The following SPATA18 variants were observed in gnomAD, a reference collection of about 807,000 sequenced individuals.
SPATA18 encodes the protein mitochondria-eating protein.
In SPATA18, 54 loss-of-function variants were observed where a neutral mutation model predicts 68.1. That is an observed-to-expected ratio of 0.79 (90% CI 0.64 to 0.99). SPATA18 has a LOEUF of 0.99. Among genes scored for constraint, SPATA18 ranks in the 50% least tolerant of loss-of-function variants. SPATA18 has a pLI of 0.00. For synonymous variants in SPATA18, 242 were observed against 244.8 expected, an observed-to-expected ratio of 0.99 and a Z score of 0.11; for missense variants, 724 against 681.1, an observed-to-expected ratio of 1.06 and a Z score of -0.70.
intron 4 of SPATA18, among the ~76,000 whole-genome samples, chr4:52,064,589 G>C (rs2109431701): frequency 6.6e-6 from 1 of 152,220 alleles, no homozygotes; most frequent in South Asian, 2.1e-4. Flanking sequence ...CATCCAAGTT[G>C]CTGCAAAGGC....
At chr4:52,086,486 A>T (rs935957896) in intron 11 of SPATA18, among the ~76,000 whole-genome samples, 4 of 152,010 alleles carry the variant, frequency 2.6e-5, no homozygotes, top group East Asian at 1.9e-4. Flanking sequence ...TCACTGTTCA[A>T]CTCCCACTTA....
chr4:52,082,395 G>C lies in SPATA18; in HGVS notation c.1364G>C (p.Arg455Pro), dbSNP rs147355917. ...TTGTATATTGAAAACAGATACCGCC[G>C]CAGCTACGACTCGGATTTCACTGCT... ...GEVFNDCKYRRSYDSDFTAPL... is the reference protein window; with the variant it reads ...GEVFNDCKYRPSYDSDFTAPL... Residue 455 changes from arginine to proline, a missense_variant, in exon 10 of 13, where the codon CGC (arginine) becomes CCC (proline). Physicochemically the swap from Arg to Pro is moderately radical, Grantham distance 103. Transcript: ENST00000295213. 4 of 1,613,578 alleles carry C rather than the reference G, an allele frequency of 2.5e-6. No homozygotes were observed. The Middle Eastern group carries it at 4.9e-4, about 199-fold the overall frequency.
chr4:52,072,854 T>G (rs1282270144), intron 6 of SPATA18, among the ~76,000 whole-genome samples: 1 of 152,234 alleles, frequency 6.6e-6, no homozygotes, highest in East Asian at 1.9e-4. Flanking sequence ...TCCATTTCAC[T>G]GCAGGGTATT....
intron 4 of SPATA18, 99 bp downstream of exon 4, chr4:52,062,431 G>T: frequency 1.3e-6 from 1 of 786,030 alleles, no homozygotes; most frequent in South Asian, 1.7e-5. Context: ...TAAAATGTGG[G>T]CATTTGCAAA....
At chr4:52,069,187 A>G (rs1054094671) in intron 4 of SPATA18, among the ~76,000 whole-genome samples, 2 of 152,186 alleles carry the variant, frequency 1.3e-5, no homozygotes, top group Non-Finnish European at 2.9e-5. Flanking sequence ...TTTTTAAACT[A>G]GATAGACCTA....
At chr4:52,066,385 C>T (rs1323813491) in intron 4 of SPATA18, among the ~76,000 whole-genome samples, 2 of 152,156 alleles carry the variant, frequency 1.3e-5, no homozygotes, top group African/African-American at 4.8e-5. Flanking sequence ...CTCCTGACCT[C>T]ATGATCCGCC....
chr4:52,092,846 G>C (rs1384891333), intron 11 of SPATA18, among the ~76,000 whole-genome samples: 2 of 152,132 alleles, frequency 1.3e-5, no homozygotes, highest in Non-Finnish European at 2.9e-5. Context: ...TCCTTTGCAG[G>C]AACATGGATG....
chr4:52,096,748 T>C lies in SPATA18; in HGVS notation c.*1861T>C, dbSNP rs1742455106. 1 of 107,192 alleles carries C rather than the reference T, an allele frequency of 9.3e-6. No homozygotes were observed. Among genetic ancestry groups the C allele is most frequent in the Non-Finnish European group, 2.3e-5 (1 of 42,692 alleles). The allele number at this position is 107,192 out of a possible 1,614,324, so 6.6% of individuals were successfully genotyped here. A position where few individuals can be genotyped will look rare whatever the true frequency, so the allele number is the denominator to read the frequency against. On this transcript the variant is annotated 3_prime_UTR_variant, in exon 13 of 13. Transcript: ENST00000295213. ...TTTCTGAAGTGGTGGGCAATTCTTG[T>C]TAATGTTTTAAACAAAAAAAAAAAA... is the stretch of plus-strand genomic sequence containing the variant.
At chr4:52,091,838 G>C (rs949524511) in intron 11 of SPATA18, among the ~76,000 whole-genome samples, 1 of 152,142 alleles carries the variant, frequency 6.6e-6, no homozygotes, top group Non-Finnish European at 1.5e-5. Flanking sequence ...GAGCCATCAG[G>C]CTGGGACGTT....
At chr4:52,056,519 A>G (rs1423323611) in intron 1 of SPATA18, among the ~76,000 whole-genome samples, 1 of 151,870 alleles carries the variant, frequency 6.6e-6, no homozygotes, top group African/African-American at 2.4e-5. Flanking sequence ...ATTAGGTACC[A>G]CTACTGGACA....
chr4:52,080,599 AG>A (rs1383753067), intron 9 of SPATA18, among the ~76,000 whole-genome samples: 1 of 152,208 alleles, frequency 6.6e-6, no homozygotes, highest in Non-Finnish European at 1.5e-5. Flanking sequence ...AACACAAGCT[AG>A]TGGTTAAGAA....
chr4:52,092,463 A>T (rs970926424), intron 11 of SPATA18, among the ~76,000 whole-genome samples: 9 of 152,158 alleles, frequency 5.9e-5, no homozygotes, highest in African/African-American at 2.2e-4. Flanking sequence ...GTAGGGGGGA[A>T]CATTCTCTGG....
At position 52,076,867 on chromosome 4, in the gene SPATA18, G is replaced by C. The variant is rs751899665; in HGVS notation, c.847G>C (p.Val283Leu). 1.2e-6 allele frequency: 2 copies of C among 1,614,216 alleles called. No individual in the cohort carries two copies. Among genetic ancestry groups the C allele is most frequent in the South Asian group, 2.2e-5 (2 of 91,084 alleles). Residue 283 changes from valine to leucine, a missense_variant, in exon 7 of 13, where the codon GTC becomes CTC. Val to Leu is a conservative substitution (Grantham distance 32, BLOSUM62 1). Transcript: ENST00000295213. The stretch of plus-strand genomic sequence containing the variant: ...TGCCAGCCCCTCCACCGCTGTCAAG[G>C]TCAGGAGACCGTCCCCAAACCGCTC... ...RSASPSTAVK[V>L]RRPSPNRSKL... is the part of the protein sequence containing the mutation.
At position 52,079,891 on chromosome 4, in the gene SPATA18, G is replaced by T. The variant is rs1380813607; in HGVS notation, c.1327G>T (p.Ala443Ser). The T allele has an allele frequency of 6.2e-7, 1 of 1,613,366 alleles. No homozygotes were observed. Among genetic ancestry groups the T allele is most frequent in the South Asian group, 1.1e-5 (1 of 90,852 alleles). Residue 443 changes from alanine (A) to serine (S), a missense_variant, in exon 9 of 13, where the codon GCA (alanine) becomes TCA (serine). Coordinates refer to ENST00000295213, the MANE Select transcript of SPATA18 (RefSeq NM_145263.4). ...ACCACCCCTAGATATTGCATATGGA[G>T]CAGATGGAGAAGTTTTTAATGATTG... ...LEPPLDIAYG[A>S]DGEVFNDCKY...
intron 4 of SPATA18, among the ~76,000 whole-genome samples, chr4:52,063,205 T>C (rs1167707681): frequency 6.6e-6 from 1 of 152,244 alleles, no homozygotes; most frequent in Non-Finnish European, 1.5e-5. Context: ...TGTGTGGTGC[T>C]CTGCCTTGTT....
chr4:52,066,441 C>T (rs184586992), intron 4 of SPATA18, among the ~76,000 whole-genome samples: 95 of 152,290 alleles, frequency 6.2e-4, no homozygotes, highest in African/African-American at 1.0e-3. Flanking sequence ...TGAGCCACGG[C>T]GCCCAGCCAT....
intron 6 of SPATA18, among the ~76,000 whole-genome samples, chr4:52,072,658 C>T (rs1277734737): frequency 2.0e-5 from 3 of 152,112 alleles, no homozygotes; most frequent in African/African-American, 7.2e-5. Context: ...TGCCTGCCTC[C>T]ACCTCCCAAA....
intron 7 of SPATA18, 24 bp downstream of exon 7, chr4:52,077,064 C>G (rs370134873): frequency 1.2e-5 from 19 of 1,572,504 alleles, no homozygotes; most frequent in Admixed American, 1.9e-5. Context: ...GCGGGACTCC[C>G]GGCTCCTTAG....
intron 8 of SPATA18, 87 bp from the exon 9 acceptor site, chr4:52,079,657 A>G: frequency 6.9e-7 from 1 of 1,443,790 alleles, no homozygotes; most frequent in Admixed American, 2.0e-5. Context: ...CTCTTTTCCC[A>G]CCTCCCATCA....
Sources: gnomAD v4.1 joint callset for allele counts (sites outside exome capture counted in the v4.1 genomes callset) on GRCh38, gnomAD v4.1.1 for gene constraint, MANE v1.5 for transcripts, NCBI Gene and HGNC (gene_info 2026-07-23, HGNC 2026-07-21) for gene names.